The following UNC13B variants were observed in gnomAD, a reference collection of about 807,000 sequenced individuals.
UNC13B encodes the protein protein unc-13 homolog B.
A neutral mutation model predicts 211.0 loss-of-function variants in UNC13B; 144 were observed. That is an observed-to-expected ratio of 0.68 (90% confidence interval 0.60 to 0.78). UNC13B has a LOEUF of 0.78. Among genes scored for constraint, UNC13B ranks in the 30% least tolerant of loss-of-function variants. The pLI, the probability that UNC13B is intolerant of heterozygous loss-of-function variation, is 0.00. For missense variants in UNC13B, 1,777 were observed against 2,002.0 expected (o/e 0.89, Z 2.14); for synonymous variants, 709 against 725.8 (o/e 0.98, Z 0.37).
chr9:35,168,430 G>A (rs551243807), intron 1 of UNC13B, among the ~76,000 whole-genome samples: 12 of 151,974 alleles, frequency 7.9e-5, no homozygotes, highest in Non-Finnish European at 1.8e-4. Context: ...TATATGTTTG[G>A]AGATCTCCAA....
intron 11 of UNC13B, 145 bp downstream of exon 11, chr9:35,314,134 G>A (rs941906111): frequency 1.4e-6 from 1 of 700,060 alleles, no homozygotes; most frequent in African/African-American, 1.8e-5. Flanking sequence ...AGCTTTAAGG[G>A]ATGGGAAGTG....
At chr9:35,266,800 A>G (rs541866983) in intron 7 of UNC13B, among the ~76,000 whole-genome samples, 1 of 152,158 alleles carries the variant, frequency 6.6e-6, no homozygotes, top group Non-Finnish European at 1.5e-5. Flanking sequence ...ATTGTGATTT[A>G]TTATGTCCAT....
chr9:35,170,947 T>G (rs1276525855), intron 1 of UNC13B, among the ~76,000 whole-genome samples: 1 of 152,174 alleles, frequency 6.6e-6, no homozygotes, highest in Non-Finnish European at 1.5e-5. Context: ...TAGCTGGGAC[T>G]GTATGCTTGT....
chr9:35,195,019 T>C lies in UNC13B; in HGVS notation c.22+32714T>C, dbSNP rs111979396. Among the ~76,000 whole-genome samples the C allele has an allele frequency of 1.2e-3, 177 of 152,268 alleles. 1 individual carries two copies. The highest frequency in any genetic ancestry group is 4.1e-3 in the African/African-American group (169 of 41,560). On this transcript the variant is annotated intron_variant, in intron 1 of 39. Transcript: ENST00000635942. ...GTCTGATTTACATAGGGCTCACAAA[T>C]TGGTTCAATCAGGTGTGAGCTTTAC...
intron 17 of UNC13B, 73 bp from the exon 18 acceptor site, chr9:35,380,397 G>A: frequency 7.9e-6 from 12 of 1,517,876 alleles, no homozygotes; most frequent in South Asian, 1.2e-5. Flanking sequence ...GAGCTTTTGG[G>A]AGGGAATAGG....
chr9:35,306,222 A>G lies in UNC13B; in HGVS notation c.6818A>G (p.Gln2273Arg), dbSNP rs1006507968. 6 of 398,980 alleles carry G rather than the reference A, an allele frequency of 1.5e-5. No homozygotes were observed. The East Asian group carries it at 1.8e-4, about 12-fold the overall frequency. 24.7% of individuals were successfully genotyped at this position (398,980 alleles called of 1,614,324 possible). A position where few individuals can be genotyped will look rare whatever the true frequency, so the allele number is the denominator to read the frequency against. The change falls in exon 9 of 40, where the codon CAA (glutamine) becomes CGA (arginine). Residue 2273 changes from glutamine to arginine, a missense_variant. Physicochemically the swap from Gln to Arg is conservative, Grantham distance 43. Transcript: ENST00000635942. ...SSSGHRDSIAQEVVHEQQMAP... is the reference protein window; with the variant it reads ...SSSGHRDSIAREVVHEQQMAP... ...AGTGGTCATAGAGATAGCATAGCCC[A>G]AGAAGTAGTTCATGAACAGCAAATG...
chr9:35,328,971 CTG>C (rs1831212250), intron 11 of UNC13B, among the ~76,000 whole-genome samples: 1 of 151,818 alleles, frequency 6.6e-6, no homozygotes, highest in African/African-American at 2.4e-5. Flanking sequence ...TGGGGTTTCA[CTG>C]TGTTAGCTAA....
intron 7 of UNC13B, among the ~76,000 whole-genome samples, chr9:35,285,312 A>G (rs1828728874): frequency 6.6e-6 from 1 of 152,232 alleles, no homozygotes; most frequent in African/African-American, 2.4e-5. Context: ...ATGTAATTCA[A>G]GAATCATTGG....
At chr9:35,186,382 A>G (rs1301062844) in intron 1 of UNC13B, among the ~76,000 whole-genome samples, 1 of 152,212 alleles carries the variant, frequency 6.6e-6, no homozygotes, top group Non-Finnish European at 1.5e-5. Context: ...TTTGGCAACC[A>G]GGAAATCTTT....
chr9:35,277,166 G>A (rs1828224122), intron 7 of UNC13B, among the ~76,000 whole-genome samples: 1 of 152,090 alleles, frequency 6.6e-6, no homozygotes, highest in African/African-American at 2.4e-5. Context: ...TCCCATCCAG[G>A]TTTTAGGGAA....
chr9:35,381,314 T>G, intron 19 of UNC13B, 99 bp downstream of exon 19: 1 of 1,131,060 alleles, frequency 8.8e-7, no homozygotes, highest in Non-Finnish European at 1.3e-6. Flanking sequence ...CGAGGCCCAT[T>G]TTAAATTTTA....
At chr9:35,293,982 CT>C (rs1412257306) in intron 7 of UNC13B, among the ~76,000 whole-genome samples, 8 of 152,310 alleles carry the variant, frequency 5.3e-5, no homozygotes, top group African/African-American at 1.9e-4. Context: ...CATCTTACCC[CT>C]GTCTCCCATC....
intron 10 of UNC13B, among the ~76,000 whole-genome samples, chr9:35,311,179 C>G (rs1343074536): frequency 6.6e-6 from 1 of 152,138 alleles, no homozygotes; most frequent in Non-Finnish European, 1.5e-5. Flanking sequence ...ACCATGTTGC[C>G]CAGGCTGGTC....
chr9:35,316,343 A>G (rs1479846299), intron 11 of UNC13B, among the ~76,000 whole-genome samples: 1 of 152,176 alleles, frequency 6.6e-6, no homozygotes, highest in South Asian at 2.1e-4. Context: ...ATAATCCATT[A>G]TTGTCATTTA....
chr9:35,377,343 G>C, intron 15 of UNC13B, 125 bp from the exon 16 acceptor site: 1 of 977,584 alleles, frequency 1.0e-6, no homozygotes, highest in South Asian at 1.7e-5. Context: ...TTGCTTAATT[G>C]CTGAGAACTA....
intron 3 of UNC13B, among the ~76,000 whole-genome samples, chr9:35,235,178 C>G (rs1825425023): frequency 6.6e-6 from 1 of 152,082 alleles, no homozygotes; most frequent in Admixed American, 6.5e-5. Context: ...GCTTATCTGG[C>G]TCTTTATGGA....
intron 8 of UNC13B, among the ~76,000 whole-genome samples, chr9:35,296,617 T>C (rs1365590470): frequency 6.6e-6 from 1 of 152,148 alleles, no homozygotes; most frequent in Non-Finnish European, 1.5e-5. Context: ...AAAAAAAATT[T>C]CAGACTTAAA....
In UNC13B at chr9:35,171,084, C is replaced by T. The variant is rs373636343; in HGVS notation, c.22+8779C>T. Among the ~76,000 whole-genome samples, 119 of 152,230 alleles carry T rather than the reference C, an allele frequency of 7.8e-4. 2 individuals are homozygous for T. The South Asian group carries it at 0.019, about 24-fold the overall frequency. Reference sequence around the variant, plus strand: ...TCAGCCTCCCAAAGTGCTGGGATTACAGGCATGAACCACTGTGCCTGGCTC... The same window carrying T: ...TCAGCCTCCCAAAGTGCTGGGATTATAGGCATGAACCACTGTGCCTGGCTC... On this transcript the variant is annotated intron_variant, in intron 1 of 39. Coordinates refer to ENST00000635942, the MANE Select transcript of UNC13B (RefSeq NM_001371189.2).
chr9:35,400,543 C>T, intron 37 of UNC13B, 100 bp downstream of exon 37: 1 of 1,393,900 alleles, frequency 7.2e-7, no homozygotes, highest in Non-Finnish European at 9.6e-7. Context: ...GATCCAGTTA[C>T]TTCTTCAGAG....
Sources: gnomAD v4.1 joint callset for allele counts (sites outside exome capture counted in the v4.1 genomes callset) on GRCh38, gnomAD v4.1.1 for gene constraint, MANE v1.5 for transcripts, NCBI Gene and HGNC (gene_info 2026-07-23, HGNC 2026-07-21) for gene names.